The following CSMD1 variants were observed in gnomAD, a reference collection of about 807,000 sequenced individuals.
CSMD1 encodes the protein CUB and Sushi multiple domains 1.
Under a neutral mutation model 417.5 loss-of-function variants are expected in CSMD1, and 213 were observed. That is an observed-to-expected ratio of 0.51 (90% confidence interval 0.46 to 0.57). The LOEUF (loss-of-function observed/expected upper bound fraction) is 0.57, where lower values mean the gene tolerates loss of function less well. Among genes scored for constraint, CSMD1 ranks in the 20% least tolerant of loss-of-function variants. CSMD1 has a pLI of 0.00. For synonymous variants in CSMD1, 2,862 were observed against 1,736.8 expected (o/e 1.65, Z -16.11); for missense variants, 6,923 against 4,529.7 (o/e 1.53, Z -15.17).
intron 1 of CSMD1, among the ~76,000 whole-genome samples, chr8:4,940,250 A>C (rs1469634378): frequency 6.6e-6 from 1 of 152,198 alleles, no homozygotes; most frequent in Non-Finnish European, 1.5e-5. Context: ...GAACAGAAAT[A>C]GTGTGAGCAG....
chr8:4,099,696 T>G (rs1801207160), intron 3 of CSMD1, among the ~76,000 whole-genome samples: 1 of 151,840 alleles, frequency 6.6e-6, no homozygotes, highest in South Asian at 2.1e-4. Flanking sequence ...AAACAAAACC[T>G]CTTCTTTTCT....
intron 5 of CSMD1, among the ~76,000 whole-genome samples, chr8:3,982,677 G>A (rs1489720150): frequency 6.6e-6 from 1 of 152,032 alleles, no homozygotes; most frequent in African/African-American, 2.4e-5. Context: ...AGACCAGGGT[G>A]GCGGACCGGA....
At chr8:4,745,770 C>A (rs563513539) in intron 1 of CSMD1, among the ~76,000 whole-genome samples, 1 of 152,274 alleles carries the variant, frequency 6.6e-6, no homozygotes, top group African/African-American at 2.4e-5. Context: ...TATAGGAACA[C>A]GCATTTTTGA....
chr8:4,070,578 C>T (rs369024090), intron 3 of CSMD1, among the ~76,000 whole-genome samples: 1 of 152,068 alleles, frequency 6.6e-6, no homozygotes, highest in Non-Finnish European at 1.5e-5. Flanking sequence ...AGGATGGTCT[C>T]GTTCTCCTGA....
At chr8:4,830,289 GTTTCTATTTCCTTTCTTT>G (rs1667424204) in intron 1 of CSMD1, among the ~76,000 whole-genome samples, 1 of 152,092 alleles carries the variant, frequency 6.6e-6, no homozygotes, top group South Asian at 2.1e-4. Flanking sequence ...GAACCATGAG[GTTTCTATTTCCTTTCTTT>G]TTCCTACATT....
intron 10 of CSMD1, among the ~76,000 whole-genome samples, chr8:3,573,829 T>G (rs891004500): frequency 3.1e-5 from 3 of 95,804 alleles, no homozygotes; most frequent in African/African-American, 1.2e-4. Flanking sequence ...TAAATATAAT[T>G]ATTTTAATAT....
At chr8:3,210,060 C>G (rs1797515104) in intron 30 of CSMD1, among the ~76,000 whole-genome samples, 2 of 152,180 alleles carry the variant, frequency 1.3e-5, no homozygotes, top group South Asian at 4.1e-4. Flanking sequence ...CTAAAACAAA[C>G]TGCCCCAAAA....
intron 1 of CSMD1, among the ~76,000 whole-genome samples, chr8:4,755,587 G>C (rs751572996): frequency 2.6e-5 from 4 of 152,034 alleles, no homozygotes; most frequent in Non-Finnish European, 4.4e-5. Context: ...CTACTGTCAC[G>C]TTGATTTTAT....
chr8:4,755,922 C>T (rs1293017249), intron 1 of CSMD1, among the ~76,000 whole-genome samples: 1 of 152,138 alleles, frequency 6.6e-6, no homozygotes, highest in Non-Finnish European at 1.5e-5. Flanking sequence ...TTCCAGTGAA[C>T]TCTACACATT....
intron 3 of CSMD1, among the ~76,000 whole-genome samples, chr8:4,083,472 G>A (rs1451280541): frequency 5.3e-5 from 8 of 152,076 alleles, no homozygotes; most frequent in East Asian, 1.9e-4. Context: ...AAAACAGCAT[G>A]GTACTGGTAC....
intron 6 of CSMD1, among the ~76,000 whole-genome samples, chr8:3,738,395 A>C (rs2623706): frequency 0.94 from 143,609 of 152,256 alleles, 68,300 homozygotes; most frequent in Non-Finnish European, 1. Context: ...TCTTCTCATA[A>C]AATATGCATG....
At chr8:4,612,101 G>C (rs982212585) in intron 2 of CSMD1, among the ~76,000 whole-genome samples, 1 of 152,120 alleles carries the variant, frequency 6.6e-6, no homozygotes, top group African/African-American at 2.4e-5. Flanking sequence ...AGGAGGCACA[G>C]ACTCTTTTCA....
intron 3 of CSMD1, among the ~76,000 whole-genome samples, chr8:4,103,711 T>C (rs541424570): frequency 2.0e-5 from 3 of 152,172 alleles, no homozygotes; most frequent in South Asian, 4.1e-4. Flanking sequence ...AAACCCATGA[T>C]AAGAGTTCCT....
At chr8:3,907,953 T>A (rs1808221196) in intron 5 of CSMD1, among the ~76,000 whole-genome samples, 1 of 151,944 alleles carries the variant, frequency 6.6e-6, no homozygotes, top group Non-Finnish European at 1.5e-5. Context: ...TTGGGGGGTG[T>A]GGGGAGAGTG....
intron 48 of CSMD1, among the ~76,000 whole-genome samples, chr8:3,090,740 T>C (rs191133382): frequency 0.012 from 1,752 of 152,316 alleles, 28 homozygotes; most frequent in Admixed American, 0.038. Context: ...GTCAAGGGCA[T>C]TGCTGAGTGA....
chr8:3,134,867 G>T (rs1817990184), intron 41 of CSMD1, among the ~76,000 whole-genome samples: 1 of 152,160 alleles, frequency 6.6e-6, no homozygotes, highest in South Asian at 2.1e-4. Context: ...AATTTATGTG[G>T]AAATCAGGAA....
chr8:3,233,911 G>C (rs560769981), intron 26 of CSMD1, among the ~76,000 whole-genome samples: 1 of 152,256 alleles, frequency 6.6e-6, no homozygotes, highest in African/African-American at 2.4e-5. Context: ...CCCAGGGATG[G>C]TAGAAATTCA....
intron 3 of CSMD1, among the ~76,000 whole-genome samples, chr8:4,172,370 A>G (rs1428458827): frequency 6.6e-6 from 1 of 152,110 alleles, no homozygotes; most frequent in African/African-American, 2.4e-5. Flanking sequence ...ATTACCTATA[A>G]TTAAATCAAA....
At chr8:3,821,163 C>G (rs1390573830) in intron 5 of CSMD1, among the ~76,000 whole-genome samples, 4 of 152,066 alleles carry the variant, frequency 2.6e-5, no homozygotes, top group Admixed American at 2.6e-4. Context: ...GGTGATCCAC[C>G]CGCCTCGGCC....
Sources: allele counts gnomAD v4.1 joint callset (sites outside exome capture counted in the v4.1 genomes callset), GRCh38; gene constraint gnomAD v4.1.1; transcripts MANE v1.5; gene names NCBI Gene and HGNC (gene_info 2026-07-23, HGNC 2026-07-21).